The following PRR16 variants were observed in gnomAD, a reference collection of about 807,000 sequenced individuals.
PRR16 encodes the protein protein Largen.
A neutral mutation model predicts 18.2 loss-of-function variants in PRR16; 6 were observed. The observed-to-expected ratio is 0.33, with a 90% confidence interval of 0.18 to 0.65. PRR16 has a LOEUF of 0.65. Among genes scored for constraint, PRR16 ranks in the 30% least tolerant of loss-of-function variants. PRR16 has a pLI of 0.74. For missense variants in PRR16, 412 were observed against 376.6 expected (o/e 1.09, Z -0.78); for synonymous variants, 151 against 147.8 (o/e 1.02, Z -0.16).
intron 1 of PRR16, among the ~76,000 whole-genome samples, chr5:120,488,528 T>C (rs1749901948): frequency 6.6e-6 from 1 of 152,184 alleles, no homozygotes; most frequent in Non-Finnish European, 1.5e-5. Context: ...GTCTATTTGA[T>C]TCTTCTCTCT....
At chr5:120,637,147 G>A (rs1755254953) in intron 1 of PRR16, among the ~76,000 whole-genome samples, 1 of 151,866 alleles carries the variant, frequency 6.6e-6, no homozygotes, top group African/African-American at 2.4e-5. Flanking sequence ...ATGATGGCAT[G>A]GATGCGATGA....
intron 1 of PRR16, among the ~76,000 whole-genome samples, chr5:120,586,412 G>A (rs1476515170): frequency 2.6e-5 from 4 of 151,904 alleles, no homozygotes; most frequent in East Asian, 3.9e-4. Context: ...TCACTTTTTT[G>A]TGCTTCAGTT....
intron 1 of PRR16, among the ~76,000 whole-genome samples, chr5:120,546,361 T>C (rs1404395109): frequency 2.0e-5 from 3 of 152,082 alleles, no homozygotes; most frequent in African/African-American, 7.2e-5. Flanking sequence ...CAGTTGTTGC[T>C]CCATAGTGCT....
chr5:120,648,367 A>C (rs912201459), intron 1 of PRR16, among the ~76,000 whole-genome samples: 4 of 152,080 alleles, frequency 2.6e-5, no homozygotes, highest in Non-Finnish European at 5.9e-5. Context: ...TAAGGATTCA[A>C]GCCTTTGAAA....
At chr5:120,505,867 C>T (rs542884911) in intron 1 of PRR16, among the ~76,000 whole-genome samples, 19 of 151,222 alleles carry the variant, frequency 1.3e-4, no homozygotes, top group Admixed American at 2.0e-4. Flanking sequence ...TATACACACA[C>T]GCGTATACAT....
intron 1 of PRR16, among the ~76,000 whole-genome samples, chr5:120,601,035 C>A (rs1053415135): frequency 6.6e-6 from 1 of 151,926 alleles, no homozygotes; most frequent in East Asian, 1.9e-4. Flanking sequence ...AATGAATATA[C>A]AACTGCATAT....
intron 1 of PRR16, among the ~76,000 whole-genome samples, chr5:120,570,416 A>G (rs955408034): frequency 6.6e-6 from 1 of 152,190 alleles, no homozygotes; most frequent in African/African-American, 2.4e-5. Flanking sequence ...AATGCCCTGC[A>G]CAGGTTGATA....
the PRR16 span, among the ~76,000 whole-genome samples, chr5:120,742,168 A>C: frequency 1.3e-4 from 20 of 151,862 alleles, no homozygotes; most frequent in African/African-American, 4.8e-4. Context: ...TGGGTTTTGA[A>C]GCCTATAAAT....
At chr5:120,483,357 C>T (rs1284381578) in intron 1 of PRR16, among the ~76,000 whole-genome samples, 1 of 152,140 alleles carries the variant, frequency 6.6e-6, no homozygotes, top group East Asian at 1.9e-4. Context: ...TTGGTGAGCC[C>T]TGTATTGTCT....
the PRR16 span, among the ~76,000 whole-genome samples, chr5:120,721,639 G>A: frequency 1.3e-5 from 2 of 151,998 alleles, no homozygotes; most frequent in Non-Finnish European, 2.9e-5. Context: ...AGGAAGCCAT[G>A]TTATATGGGA....
At chr5:120,711,879 G>T in the PRR16 span, among the ~76,000 whole-genome samples, 5 of 152,158 alleles carry the variant, frequency 3.3e-5, no homozygotes, top group Non-Finnish European at 2.9e-5. Flanking sequence ...CCAGGAATGT[G>T]TCTCTATGGA....
rs1240670107 is a variant in PRR16 at position 120,464,612 on chromosome 5, C to T, written c.126C>T (p.Gly42=). ...TGGAGGATTTGGAATTAGTCCTGGG[C>T]GACCTGAAGGACGTGGCCAAGGAAC... ...IIVEDLELVL[G]DLKDVAKELK... Residue 42 remains glycine, a synonymous_variant, in exon 1 of 2, where the codon GGC becomes GGT. Transcript: ENST00000407149. 1 of 1,575,804 alleles carries T rather than the reference C, an allele frequency of 6.3e-7. No homozygotes were observed. Among genetic ancestry groups the T allele is most frequent in the Non-Finnish European group, 8.6e-7 (1 of 1,168,808 alleles).
chr5:120,551,841 T>A lies in PRR16; in HGVS notation c.159+87196T>A, dbSNP rs141933424. On this transcript the variant is annotated intron_variant, in intron 1 of 1. Coordinates refer to ENST00000407149, the MANE Select transcript of PRR16 (RefSeq NM_001300783.2). ...GGTTCTCTGACTTGGTAGAACAGGG[T>A]CTCTTGCTATGCTAGCATCATGTCT... 2.6e-4 allele frequency among the ~76,000 whole-genome samples: 39 copies of A among 152,060 alleles called. No homozygotes were observed. The East Asian group carries it at 6.4e-3, about 25-fold the overall frequency.
chr5:120,534,524 T>C (rs1751653177), intron 1 of PRR16, among the ~76,000 whole-genome samples: 1 of 152,154 alleles, frequency 6.6e-6, no homozygotes, highest in Admixed American at 6.6e-5. Context: ...ATATATCATT[T>C]TATAGATGGA....
intron 1 of PRR16, among the ~76,000 whole-genome samples, chr5:120,608,757 T>G (rs1188667421): frequency 6.6e-6 from 1 of 152,222 alleles, no homozygotes; most frequent in Non-Finnish European, 1.5e-5. Context: ...CGGTGTTTCA[T>G]CTCTCATTGC....
the PRR16 span, among the ~76,000 whole-genome samples, chr5:120,760,311 AAAT>A: frequency 1.3e-5 from 2 of 152,156 alleles, no homozygotes; most frequent in South Asian, 2.1e-4. Flanking sequence ...TGACATATAG[AAAT>A]AATGTTTCAA....
the PRR16 span, chr5:120,781,232 C>T: frequency 6.6e-6 from 1 of 151,652 alleles, no homozygotes; most frequent in Non-Finnish European, 1.5e-5. Context: ...ATGGCTGAAG[C>T]GTCTGAAACA....
At chr5:120,528,312 A>C (rs1751434504) in intron 1 of PRR16, among the ~76,000 whole-genome samples, 1 of 152,192 alleles carries the variant, frequency 6.6e-6, no homozygotes, top group African/African-American at 2.4e-5. Flanking sequence ...AGTTGAGGAA[A>C]GTCAGGTGAA....
At chr5:120,577,511 T>C (rs185078609) in intron 1 of PRR16, among the ~76,000 whole-genome samples, 20 of 152,086 alleles carry the variant, frequency 1.3e-4, no homozygotes, top group African/African-American at 4.8e-4. Flanking sequence ...TTTTGTAACA[T>C]GGACACCTTC....
Sources: gnomAD v4.1 joint callset for allele counts (sites outside exome capture counted in the v4.1 genomes callset) on GRCh38, gnomAD v4.1.1 for gene constraint, MANE v1.5 for transcripts, NCBI Gene and HGNC (gene_info 2026-07-23, HGNC 2026-07-21) for gene names.